Variants in PLEKHM2 observed in about 807,000 individuals in gnomAD.
The protein encoded by PLEKHM2 is pleckstrin homology and RUN domain containing M2.
Under a neutral mutation model 116.3 loss-of-function variants are expected in PLEKHM2, and 77 were observed. That is an observed-to-expected ratio of 0.66 (90% CI 0.55 to 0.80). PLEKHM2 has a LOEUF of 0.80. Ranked by LOEUF, PLEKHM2 falls within the 30% of genes least tolerant of loss-of-function variation. The pLI is 0.00. For synonymous variants in PLEKHM2, 562 were observed against 571.0 expected, an observed-to-expected ratio of 0.98 and a Z score of 0.22; for missense variants, 1,183 against 1,354.9, an observed-to-expected ratio of 0.87 and a Z score of 1.99.
intron 1 of PLEKHM2, among the ~76,000 whole-genome samples, chr1:15,685,482 T>C (rs950983896): frequency 6.8e-6 from 1 of 147,216 alleles, no homozygotes; most frequent in African/African-American, 2.5e-5. Context: ...TCTCTCTCCC[T>C]CTCTGTGTGT....
At chr1:15,724,202 C>T (rs1048653407) in intron 7 of PLEKHM2, among the ~76,000 whole-genome samples, 10 of 152,130 alleles carry the variant, frequency 6.6e-5, no homozygotes, top group East Asian at 5.8e-4. Context: ...ATGGAGTTCT[C>T]GGCCGGGCAC....
Position 15,734,633 on chromosome 1 carries a change from T to A in PLEKHM2, c.*699T>A, listed in dbSNP as rs1278546465. ...GCGGAGCCCACCAGCCTGGCATCCA[T>A]GTTGACATCTTCTGACTGTCCCCTG... On this transcript the variant is annotated 3_prime_UTR_variant, in exon 20 of 20. Coordinates refer to ENST00000375799, the MANE Select transcript of PLEKHM2 (RefSeq NM_015164.4). The A allele has an allele frequency of 6.6e-6, 1 of 152,240 alleles. No homozygotes were observed. Among genetic ancestry groups the A allele is most frequent in the Non-Finnish European group, 1.5e-5 (1 of 68,110 alleles). 9.4% of individuals were successfully genotyped at this position (152,240 alleles called of 1,614,324 possible). A position where few individuals can be genotyped will look rare whatever the true frequency, so the allele number is the denominator to read the frequency against.
intron 17 of PLEKHM2, 101 bp downstream of exon 17, chr1:15,732,149 C>CCT: frequency 8.5e-7 from 1 of 1,176,868 alleles, no homozygotes; most frequent in Non-Finnish European, 1.2e-6. Context: ...ACCTGAGGGC[C>CCT]AAGACGGACC....
At chr1:15,701,463 T>C (rs897688243) in intron 1 of PLEKHM2, among the ~76,000 whole-genome samples, 1 of 150,384 alleles carries the variant, frequency 6.6e-6, no homozygotes, top group Non-Finnish European at 1.5e-5. Context: ...AAAAAAGGTA[T>C]TATTAGTCTT....
At chr1:15,717,300 A>G (rs958137074) in intron 3 of PLEKHM2, among the ~76,000 whole-genome samples, 2 of 152,130 alleles carry the variant, frequency 1.3e-5, no homozygotes, top group African/African-American at 4.8e-5. Context: ...TGTAATTCCA[A>G]CACTTTGGGA....
intron 1 of PLEKHM2, among the ~76,000 whole-genome samples, chr1:15,710,453 G>A (rs1421673356): frequency 1.3e-5 from 2 of 151,352 alleles, no homozygotes; most frequent in Middle Eastern, 3.4e-3. Flanking sequence ...TCAGCCTCCC[G>A]AGTAGCTGGG....
intron 3 of PLEKHM2, among the ~76,000 whole-genome samples, chr1:15,717,483 C>G (rs887315770): frequency 5.9e-5 from 9 of 152,114 alleles, no homozygotes; most frequent in African/African-American, 2.2e-4. Context: ...CTTTTCTCCC[C>G]ACATATGATG....
At position 15,718,639 on chromosome 1, in the gene PLEKHM2, G is replaced by A. The variant is rs1490960322; in HGVS notation, c.465+14G>A. 2 of 1,333,368 alleles carry A rather than the reference G, an allele frequency of 1.5e-6. No individual in the cohort carries two copies. 82.6% of individuals were successfully genotyped at this position (1,333,368 alleles called of 1,614,324 possible). A position where few individuals can be genotyped will look rare whatever the true frequency, so the allele number is the denominator to read the frequency against. ...GAGCTGGATCTGGTGAGACACCAGG[G>A]CTCTCACTGCTTGTGGGAAGCAGAG... On this transcript the variant is annotated intron_variant, in intron 5 of 19. Transcript: ENST00000375799.
In PLEKHM2 at chr1:15,732,443, A is replaced by G. The variant is rs2068159055; in HGVS notation, c.2719A>G (p.Thr907Ala). The G allele has an allele frequency of 1.3e-6, 2 of 1,594,438 alleles. No individual in the cohort carries two copies. Among genetic ancestry groups the G allele is most frequent in the Non-Finnish European group, 1.7e-6 (2 of 1,170,966 alleles). ...CTTTACGTGCCATGAGGATTGCCAG[A>G]CCAGCTTCTTCCGCTCTTTGGGCAC... Reference protein sequence around the residue: ...RLFTCHEDCQTSFFRSLGTAK... With the variant: ...RLFTCHEDCQASFFRSLGTAK... Residue 907 changes from threonine to alanine, a missense_variant, in exon 18 of 20, where the codon ACC becomes GCC. By Grantham distance (58) the Thr-to-Ala change is moderately conservative (BLOSUM62 0). Coordinates refer to ENST00000375799, the MANE Select transcript of PLEKHM2 (RefSeq NM_015164.4).
intron 1 of PLEKHM2, among the ~76,000 whole-genome samples, chr1:15,700,489 CCTATAAAATGAGGGTTGTGG>C (rs1641089000): frequency 6.6e-6 from 1 of 152,138 alleles, no homozygotes; most frequent in Non-Finnish European, 1.5e-5. Flanking sequence ...GGTCTCCCTG[CCTATAAAATGAGGGTTGTGG>C]CTAAGTGATT....
chr1:15,694,838 A>G lies in PLEKHM2; in HGVS notation c.60+10220A>G, dbSNP rs543324440. 6.6e-5 allele frequency among the ~76,000 whole-genome samples: 10 copies of G among 151,880 alleles called. No homozygotes were observed. The East Asian group carries it at 1.6e-3, about 24-fold the overall frequency. On this transcript the variant is annotated intron_variant, in intron 1 of 19. Coordinates refer to ENST00000375799, the MANE Select transcript of PLEKHM2 (RefSeq NM_015164.4). ...AGTGGTGTGATTTCTGCTCACTGCAACCTTCACCTCCTGGGTTCAAGTGAT... is the reference window on the plus strand; with the variant it reads ...AGTGGTGTGATTTCTGCTCACTGCAGCCTTCACCTCCTGGGTTCAAGTGAT...
chr1:15,707,357 C>T (rs1302339459), intron 1 of PLEKHM2, among the ~76,000 whole-genome samples: 2 of 152,012 alleles, frequency 1.3e-5, no homozygotes, highest in Non-Finnish European at 2.9e-5. Context: ...CACCTGAGCC[C>T]GGTAGGTTGA....
chr1:15,690,599 A>G (rs1640870861), intron 1 of PLEKHM2, among the ~76,000 whole-genome samples: 1 of 152,240 alleles, frequency 6.6e-6, no homozygotes, highest in African/African-American at 2.4e-5. Flanking sequence ...CATATGAAAA[A>G]GTCCTTGCCA....
rs10927841 is a variant in PLEKHM2 at position 15,718,766 on chromosome 1, T to C, written c.465+141T>C. 0.28 allele frequency: 169,038 copies of C among 613,760 alleles called. 29,818 individuals carry two copies. Among genetic ancestry groups the C allele is most frequent in the African/African-American group, 0.68 (36,372 of 53,754 alleles). 38.0% of individuals were successfully genotyped at this position (613,760 alleles called of 1,614,324 possible). A position where few individuals can be genotyped will look rare whatever the true frequency, so the allele number is the denominator to read the frequency against. On this transcript the variant is annotated intron_variant, in intron 5 of 19. Coordinates refer to ENST00000375799, the MANE Select transcript of PLEKHM2 (RefSeq NM_015164.4). ...TGGGCTTGAGCAAAACTTGTTTTTT[T>C]GGGCGAGGGAAAGGTTTCAGGGTCC...
At chr1:15,714,667 G>C (rs1274194732) in intron 1 of PLEKHM2, among the ~76,000 whole-genome samples, 1 of 152,174 alleles carries the variant, frequency 6.6e-6, no homozygotes, top group Non-Finnish European at 1.5e-5. Context: ...CATGCTTGTT[G>C]GTGTGGTTGA....
In PLEKHM2 at chr1:15,727,048, A is replaced by C. The variant is rs758428539; in HGVS notation, c.976A>C (p.Lys326Gln). 1.3e-6 allele frequency: 2 copies of C among 1,485,530 alleles called. No homozygotes were observed. Among genetic ancestry groups the C allele is most frequent in the Non-Finnish European group, 1.8e-6 (2 of 1,119,160 alleles). 92.0% of individuals were successfully genotyped at this position (1,485,530 alleles called of 1,614,324 possible). ...TKKKKIGKKK[K>Q]SRSDEEASPL... is the part of the protein sequence containing the mutation. ...GAAGAAGAAAATTGGCAAGAAGAAA[A>C]AGAGCAGATCAGATGAGGAGGCAAG... Residue 326 changes from lysine to glutamine, a missense_variant, in exon 9 of 20, where the codon AAG (lysine) becomes CAG (glutamine). Transcript: ENST00000375799. The surrounding 1 kb of genome is among the most constrained non-coding windows in gnomAD (Gnocchi z 7.5).
At chr1:15,682,626 A>G (rs1191093449), upstream of PLEKHM2, among the ~76,000 whole-genome samples, 1 of 72,836 alleles carries the variant, frequency 1.4e-5, no homozygotes, top group East Asian at 2.1e-4. Flanking sequence ...CTCAAAAACA[A>G]ACAAAACAAA....
Position 15,731,985 on chromosome 1 carries a change from TGCCGAGAGCGAG to T in PLEKHM2, c.2570_2581del (p.Ser857_Glu860del). On this transcript the variant is annotated inframe_deletion, in exon 17 of 20. Transcript: ENST00000375799. ...CCGACCGGCCCTGCCTGGAGCTAAG[TGCCGAGAGCGAG>T]GCCGAGATGGCCGAGTGGATGCAGC... 6.2e-7 allele frequency: 1 copy of T among 1,612,380 alleles called. No individual in the cohort carries two copies. The highest frequency in any genetic ancestry group is 8.5e-7 in the Non-Finnish European group (1 of 1,179,632).
intron 1 of PLEKHM2, among the ~76,000 whole-genome samples, chr1:15,712,818 C>T (rs1051001892): frequency 6.6e-6 from 1 of 151,104 alleles, no homozygotes; most frequent in African/African-American, 2.4e-5. Context: ...GCCTAGCTAG[C>T]TTATTTTTAT....
Sources: allele counts gnomAD v4.1 joint callset (sites outside exome capture counted in the v4.1 genomes callset), GRCh38; gene constraint gnomAD v4.1.1; non-coding constraint Gnocchi (gnomAD v3.1); transcripts MANE v1.5; gene names NCBI Gene and HGNC (gene_info 2026-07-23, HGNC 2026-07-21).